Variants in RGS6 observed in about 807,000 individuals in gnomAD.
The protein encoded by RGS6 is regulator of G protein signaling 6, also known as regulator of G-protein signaling 6.
A neutral mutation model predicts 78.5 loss-of-function variants in RGS6; 30 were observed. The ratio of observed to expected loss-of-function variants is 0.38; its 90% confidence interval spans 0.29 to 0.52. The LOEUF (loss-of-function observed/expected upper bound fraction) is 0.52. Ranked by LOEUF, RGS6 falls within the 20% of genes least tolerant of loss-of-function variation. The pLI, the probability that RGS6 is intolerant of heterozygous loss-of-function variation, is 0.85. For missense variants in RGS6, 495 were observed against 609.7 expected, an observed-to-expected ratio of 0.81 and a Z score of 1.98; for synonymous variants, 206 against 206.0, an observed-to-expected ratio of 1.00 and a Z score of 0.00.
intron 2 of RGS6, among the ~76,000 whole-genome samples, chr14:72,255,001 G>A (rs1343890795): frequency 6.6e-6 from 1 of 152,206 alleles, no homozygotes; most frequent in African/African-American, 2.4e-5. Context: ...AAACAGGGAT[G>A]GATTTTATGG....
intron 2 of RGS6, among the ~76,000 whole-genome samples, chr14:72,069,378 A>G (rs1225620762): frequency 6.6e-6 from 1 of 152,152 alleles, no homozygotes; most frequent in Admixed American, 6.5e-5. Flanking sequence ...AAATTGTAGC[A>G]TGCATACTTT....
chr14:72,415,745 A>G (rs113820987), intron 3 of RGS6, among the ~76,000 whole-genome samples: 3,360 of 152,338 alleles, frequency 0.022, 53 homozygotes, highest in Admixed American at 0.067. Context: ...AGTGTTACCA[A>G]AGCAACATCC....
At chr14:72,134,223 A>G (rs1023504014) in intron 2 of RGS6, among the ~76,000 whole-genome samples, 2 of 152,104 alleles carry the variant, frequency 1.3e-5, no homozygotes, top group African/African-American at 4.8e-5. Flanking sequence ...GTTACCTCTG[A>G]ATGTGTTGCC....
chr14:72,439,229 C>A (rs1156958321), intron 3 of RGS6, among the ~76,000 whole-genome samples: 7 of 152,210 alleles, frequency 4.6e-5, no homozygotes, highest in Non-Finnish European at 8.8e-5. Context: ...AGGTCAGGGA[C>A]CACATCTGTT....
chr14:71,965,768 A>T (rs1398268174), intron 2 of RGS6, among the ~76,000 whole-genome samples: 1 of 151,924 alleles, frequency 6.6e-6, no homozygotes, highest in East Asian at 1.9e-4. Context: ...TAGGAGAGAG[A>T]TTTCTGTGTC....
At chr14:72,015,470 C>A (rs1470080702) in intron 2 of RGS6, among the ~76,000 whole-genome samples, 1 of 152,138 alleles carries the variant, frequency 6.6e-6, no homozygotes, top group Non-Finnish European at 1.5e-5. Context: ...CCAGTATATA[C>A]GAATAAATCA....
chr14:72,237,988 GA>G (rs1359511204), intron 2 of RGS6, among the ~76,000 whole-genome samples: 2 of 152,154 alleles, frequency 1.3e-5, no homozygotes, highest in African/African-American at 2.4e-5. Flanking sequence ...TGGTGTCCAG[GA>G]AGAATCAGGT....
intron 2 of RGS6, among the ~76,000 whole-genome samples, chr14:72,158,456 A>T (rs1018840442): frequency 2.6e-5 from 4 of 152,136 alleles, no homozygotes; most frequent in Non-Finnish European, 4.4e-5. Context: ...TTTTGAGGGG[A>T]TACAATTCAG....
At chr14:72,484,233 A>C (rs1482465895) in intron 12 of RGS6, among the ~76,000 whole-genome samples, 1 of 152,180 alleles carries the variant, frequency 6.6e-6, no homozygotes, top group African/African-American at 2.4e-5. Flanking sequence ...GTGCATTTGT[A>C]CTGTATTTCT....
At chr14:72,551,365 G>A (rs2097504163) in intron 17 of RGS6, among the ~76,000 whole-genome samples, 1 of 152,188 alleles carries the variant, frequency 6.6e-6, no homozygotes, top group Admixed American at 6.5e-5. Flanking sequence ...GCTCGTGGCT[G>A]ACCGTCCCAT....
chr14:72,459,457 A>G lies in RGS6; in HGVS notation c.343-175A>G, dbSNP rs2238183. ...ACTTACATTTTGCTTCTCAATGCCT[A>G]GGTTAAAATGTTGACTCACCTTAGC... On this transcript the variant is annotated intron_variant, in intron 5 of 17. Coordinates refer to ENST00000553525, the MANE Select transcript of RGS6 (RefSeq NM_001204424.2). 0.3 allele frequency among the ~76,000 whole-genome samples: 45,238 copies of G among 152,134 alleles called. 7,138 individuals carry two copies. Among genetic ancestry groups the G allele is most frequent in the East Asian group, 0.62 (3,205 of 5,152 alleles).
At chr14:72,052,599 C>T (rs1325285739) in intron 2 of RGS6, among the ~76,000 whole-genome samples, 10 of 152,138 alleles carry the variant, frequency 6.6e-5, no homozygotes, top group Non-Finnish European at 1.5e-4. Flanking sequence ...GTGTCTTAAT[C>T]TATAGTAAGA....
chr14:72,257,291 A>C (rs1478092870), intron 2 of RGS6, among the ~76,000 whole-genome samples: 1 of 152,176 alleles, frequency 6.6e-6, no homozygotes, highest in Non-Finnish European at 1.5e-5. Flanking sequence ...CATTATTTCC[A>C]TCTTCATGTC....
intron 3 of RGS6, among the ~76,000 whole-genome samples, chr14:72,424,940 G>C (rs1364568816): frequency 6.6e-6 from 1 of 152,132 alleles, no homozygotes; most frequent in Non-Finnish European, 1.5e-5. Flanking sequence ...CCTGAGTTTG[G>C]CTCCATGCTT....
chr14:72,058,657 T>A (rs1319348721), intron 2 of RGS6, among the ~76,000 whole-genome samples: 1 of 152,204 alleles, frequency 6.6e-6, no homozygotes, highest in Non-Finnish European at 1.5e-5. Context: ...GACCTATAGC[T>A]AGTGAATGGC....
chr14:72,363,960 C>G (rs1203263669), intron 3 of RGS6, among the ~76,000 whole-genome samples: 1 of 135,176 alleles, frequency 7.4e-6, no homozygotes, highest in Non-Finnish European at 1.5e-5. Context: ...TGACAATAGC[C>G]CTGAAACAAT....
intron 2 of RGS6, among the ~76,000 whole-genome samples, chr14:72,116,797 C>G (rs948215348): frequency 9.2e-5 from 14 of 151,718 alleles, no homozygotes; most frequent in African/African-American, 3.1e-4. Context: ...AACCCTGTCT[C>G]TACTAAAAAT....
At chr14:71,914,600 C>A in the RGS6 span, among the ~76,000 whole-genome samples, 2 of 152,128 alleles carry the variant, frequency 1.3e-5, no homozygotes, top group South Asian at 4.2e-4. Context: ...TCATGATTTA[C>A]CAGTCGGTTT....
the RGS6 span, chr14:72,619,914 T>C: frequency 6.5e-7 from 1 of 1,533,420 alleles, no homozygotes; most frequent in Non-Finnish European, 8.7e-7. Flanking sequence ...TTCTGGGGGC[T>C]CAGCCACCGG....
Sources: gnomAD v4.1 joint callset for allele counts (sites outside exome capture counted in the v4.1 genomes callset) on GRCh38, gnomAD v4.1.1 for gene constraint, MANE v1.5 for transcripts, NCBI Gene and HGNC (gene_info 2026-07-23, HGNC 2026-07-21) for gene names.